RRAGB: variants seen among roughly 807,000 people sequenced by gnomAD.
The protein encoded by RRAGB is ras-related GTP-binding protein B.
RRAGB carries 6 observed loss-of-function variants against 29.3 expected under a neutral mutation model. That is an observed-to-expected ratio of 0.21 (90% CI 0.11 to 0.40). RRAGB has a LOEUF of 0.40. RRAGB is among the 10% of genes least tolerant of loss of function. RRAGB has a pLI of 1.00. For synonymous variants in RRAGB, 101 were observed against 92.5 expected (o/e 1.09, Z -0.53); for missense variants, 184 against 272.9 (o/e 0.67, Z 2.29).
chrX:55,725,898 C>T (rs888347022), intron 3 of RRAGB, among the ~76,000 whole-genome samples: 1 of 110,946 alleles, frequency 9.0e-6, no homozygotes. Context: ...CTTCTTTCTG[C>T]CCCGTAAGTG....
At chrX:55,749,064 T>G (rs1458800978) in intron 5 of RRAGB, among the ~76,000 whole-genome samples, 199 of 45,531 alleles carry the variant, frequency 4.4e-3, no homozygotes, top group Middle Eastern at 0.02. Flanking sequence ...GAGGTGGGGG[T>G]GTCAGCCCCC....
chrX:55,737,266 C>G (rs1253869095), intron 5 of RRAGB, among the ~76,000 whole-genome samples: 1 of 112,616 alleles, frequency 8.9e-6, no homozygotes, highest in Non-Finnish European at 1.9e-5. Context: ...ACAAGCACCT[C>G]TGTCCATCTG....
intron 5 of RRAGB, among the ~76,000 whole-genome samples, chrX:55,741,691 GA>G (rs2034079901): frequency 9.0e-6 from 1 of 111,681 alleles, no homozygotes; most frequent in African/African-American, 3.3e-5. Context: ...CACGCAGAGA[GA>G]GGGGTATTTA....
chrX:55,748,707 G>C (rs374317839), intron 5 of RRAGB, among the ~76,000 whole-genome samples: 6 of 111,578 alleles, frequency 5.4e-5, no homozygotes, highest in African/African-American at 2.0e-4. Context: ...GAGCGTCTCC[G>C]CCCGGCAGCC....
chrX:55,726,782 C>G (rs917371149), intron 3 of RRAGB, among the ~76,000 whole-genome samples: 1 of 111,528 alleles, frequency 9.0e-6, no homozygotes, highest in Non-Finnish European at 1.9e-5. Flanking sequence ...GTTACATATA[C>G]TTGGATACGT....
At position 55,758,260 on chromosome X, in the gene RRAGB, C is replaced by T. The variant is rs780833902; in HGVS notation, c.958C>T (p.Leu320=). The change falls in exon 10 of 10, where the codon CTG becomes TTG. Residue 320 remains leucine (L), a synonymous_variant. Transcript: ENST00000374941. ...SDPSIPSAAT[L]INIRNARKHF... is the part of the protein sequence containing the mutation. ...CCCGCCCTCAGCTTCTGCAGCTACT[C>T]TGATCAACATCCGCAATGCCAGGAA... 55 of 1,204,400 alleles carry T rather than the reference C, an allele frequency of 4.6e-5. No homozygotes were observed. Among genetic ancestry groups the T allele is most frequent in the Non-Finnish European group, 5.8e-5 (52 of 891,558 alleles).
intron 5 of RRAGB, among the ~76,000 whole-genome samples, chrX:55,732,722 T>C (rs1447379867): frequency 8.9e-6 from 1 of 111,816 alleles, no homozygotes; most frequent in African/African-American, 3.2e-5. Context: ...TTAATTACTG[T>C]TTAATACCTA....
At chrX:55,741,704 T>C (rs1025597342) in intron 5 of RRAGB, among the ~76,000 whole-genome samples, 2 of 111,561 alleles carry the variant, frequency 1.8e-5, no homozygotes, top group African/African-American at 3.3e-5. Context: ...GGGTATTTAT[T>C]TTAAGGCCTC....
chrX:55,743,037 C>G (rs2034133768), intron 5 of RRAGB, among the ~76,000 whole-genome samples: 1 of 111,550 alleles, frequency 9.0e-6, no homozygotes, highest in African/African-American at 3.3e-5. Context: ...AGATGCATCT[C>G]TAATTAAAAC....
At chrX:55,742,363 C>T (rs2034111185) in intron 5 of RRAGB, among the ~76,000 whole-genome samples, 1 of 112,559 alleles carries the variant, frequency 8.9e-6, no homozygotes, top group South Asian at 3.6e-4. Context: ...ACCCAAAGAC[C>T]ATTAGTGGAC....
At chrX:55,722,569 C>T (rs1031421709) in intron 3 of RRAGB, among the ~76,000 whole-genome samples, 4 of 111,535 alleles carry the variant, frequency 3.6e-5, no homozygotes, top group Non-Finnish European at 7.5e-5. Context: ...ATTGTTTGTT[C>T]GTCTTGTGGG....
intron 5 of RRAGB, among the ~76,000 whole-genome samples, chrX:55,732,397 G>T (rs773922832): frequency 8.9e-6 from 1 of 111,900 alleles, no homozygotes; most frequent in East Asian, 2.8e-4. Context: ...ATTTCTAAGG[G>T]TATAAAACTA....
At chrX:55,727,803 A>G (rs965147402) in intron 3 of RRAGB, among the ~76,000 whole-genome samples, 1 of 112,223 alleles carries the variant, frequency 8.9e-6, no homozygotes, top group Non-Finnish European at 1.9e-5. Context: ...CACAAATTGT[A>G]TAGATGATAA....
intron 5 of RRAGB, among the ~76,000 whole-genome samples, chrX:55,750,609 A>G (rs2034495064): frequency 8.9e-6 from 1 of 111,839 alleles, no homozygotes; most frequent in African/African-American, 3.3e-5. Flanking sequence ...AAAATTAACC[A>G]TAACAGTGTG....
In RRAGB at chrX:55,751,148, G is replaced by T. The variant is rs2034512258; in HGVS notation, c.564G>T (p.Leu188Phe). 4 of 1,198,683 alleles carry T rather than the reference G, an allele frequency of 3.3e-6. No individual in the cohort carries two copies. The highest frequency in any genetic ancestry group is 3.4e-6 in the Non-Finnish European group (3 of 884,701). ...EEDLRRLSRP[L>F]ECSCFRTSIW... ...ATTTGAGGCGTTTGTCTCGCCCATT[G>T]GAATGTTCTTGTTTCCGAACATCTA... Residue 188 changes from leucine (L) to phenylalanine (F), a missense_variant, in exon 6 of 10, where the codon TTG becomes TTT. Transcript: ENST00000374941.
rs138295590 is a variant in RRAGB at position 55,728,104 on chromosome X, G to A, written c.227-1190G>A. 9.3e-3 allele frequency among the ~76,000 whole-genome samples: 1,039 copies of A among 111,474 alleles called. 11 individuals carry two copies. Among genetic ancestry groups the A allele is most frequent in the African/African-American group, 0.032 (992 of 30,650 alleles). ...GTAACTCAGAGGTCGCAAACAGGCA[G>A]CCTATATCCTGGATAAGGCCTGTAG... On this transcript the variant is annotated intron_variant, in intron 3 of 9. Coordinates refer to ENST00000374941, the MANE Select transcript of RRAGB (RefSeq NM_006064.5).
chrX:55,754,334 G>A (rs903891741), intron 7 of RRAGB, among the ~76,000 whole-genome samples: 2 of 112,748 alleles, frequency 1.8e-5, no homozygotes, highest in Non-Finnish European at 3.8e-5. Flanking sequence ...AGAGCCTATT[G>A]TTTGTATAAC....
chrX:55,729,951 G>C (rs1010844433), intron 4 of RRAGB, among the ~76,000 whole-genome samples: 1 of 112,164 alleles, frequency 8.9e-6, no homozygotes, highest in Non-Finnish European at 1.9e-5. Flanking sequence ...CATAGGTTTT[G>C]GAGTCAGATT....
intron 6 of RRAGB, 122 bp from the exon 7 acceptor site, chrX:55,753,270 T>G (rs2034570734): frequency 2.0e-6 from 1 of 493,578 alleles, no homozygotes; most frequent in Non-Finnish European, 3.1e-6. Context: ...AATGTCAGTA[T>G]TTGTTTGGGA....
Sources: allele counts gnomAD v4.1 joint callset (sites outside exome capture counted in the v4.1 genomes callset), GRCh38; gene constraint gnomAD v4.1.1; transcripts MANE v1.5; gene names NCBI Gene and HGNC (gene_info 2026-07-23, HGNC 2026-07-21).